Variants in DMD observed in about 807,000 individuals in gnomAD.
DMD encodes dystrophin, also known as mutant dystrophin.
In DMD, 63 loss-of-function variants were observed where a neutral mutation model predicts 330.1. The ratio of observed to expected loss-of-function variants is 0.19; its 90% confidence interval spans 0.16 to 0.24. The LOEUF is 0.24. DMD is among the 10% of genes least tolerant of loss of function. DMD has a pLI of 1.00. For missense variants in DMD, 3,344 were observed against 2,684.1 expected, an observed-to-expected ratio of 1.25 and a Z score of -5.43; for synonymous variants, 1,223 against 959.8, an observed-to-expected ratio of 1.27 and a Z score of -5.07.
intron 55 of DMD, among the ~76,000 whole-genome samples, chrX:31,537,044 G>A (rs111963941): frequency 6.4e-4 from 71 of 111,573 alleles, no homozygotes; most frequent in African/African-American, 2.3e-3. Context: ...AATCATGCCT[G>A]AACGTACTGC....
At chrX:33,195,131 C>G (rs1170531221) in intron 1 of DMD, among the ~76,000 whole-genome samples, 2 of 111,471 alleles carry the variant, frequency 1.8e-5, no homozygotes, top group African/African-American at 6.5e-5. Context: ...CAGATTAAAA[C>G]AGATGAAAGA....
At chrX:33,080,111 T>TA (rs1250527520) in intron 1 of DMD, among the ~76,000 whole-genome samples, 7 of 112,627 alleles carry the variant, frequency 6.2e-5, no homozygotes, top group African/African-American at 2.3e-4. Flanking sequence ...ATAAACTTTT[T>TA]AGAACGCTTT....
rs762778210 is a variant in DMD at position 31,293,163 on chromosome X, G to GGTGTGT, written c.9224+30429_9224+30434dup. ...CTCTCTCTCACCACTCCCCCAACCC[G>GGTGTGT]GTGTGTGTGTGTGTGTGTGTGTGTG... On this transcript the variant is annotated intron_variant, in intron 62 of 78. Coordinates refer to ENST00000357033, the MANE Select transcript of DMD (RefSeq NM_004006.3). Among the ~76,000 whole-genome samples, 131 of 70,549 alleles carry GGTGTGT rather than the reference G, an allele frequency of 1.9e-3. 6 individuals carry two copies. The highest frequency in any genetic ancestry group is 0.01 in the African/African-American group (119 of 11,598). 61.3% of individuals were successfully genotyped at this position (70,549 alleles called of 115,157 possible).
At chrX:32,480,690 G>GTA (rs777362209) in intron 21 of DMD, among the ~76,000 whole-genome samples, 63 of 109,231 alleles carry the variant, frequency 5.8e-4, no homozygotes, top group South Asian at 2.6e-3. Context: ...CACAGCGTGT[G>GTA]TATATATATA....
intron 44 of DMD, among the ~76,000 whole-genome samples, chrX:32,020,674 G>T (rs2095800251): frequency 8.9e-6 from 1 of 112,104 alleles, no homozygotes; most frequent in Non-Finnish European, 1.9e-5. Flanking sequence ...AATCTTAGAC[G>T]TTCAACTTCC....
chrX:32,118,968 T>G (rs1179420024), intron 44 of DMD, among the ~76,000 whole-genome samples: 1 of 110,979 alleles, frequency 9.0e-6, no homozygotes, highest in Non-Finnish European at 1.9e-5. Flanking sequence ...GGAGCTCAAG[T>G]GGTAATGCTG....
intron 62 of DMD, among the ~76,000 whole-genome samples, chrX:31,284,599 CTTCTTCTT>C (rs1217446959): frequency 2.3e-5 from 2 of 85,298 alleles, no homozygotes; most frequent in Non-Finnish European, 4.8e-5. Flanking sequence ...TCTTCTTCTT[CTTCTTCTT>C]TTTTTTGGCA....
rs889499438 is a variant in DMD, at chrX:32,573,641, C to T, written c.1705-4G>A. ...AAAGCCATGCACTAAAAAGGCACTG[C>T]AAGACATTAAAGAATTCCAAGGAAT... On this transcript the variant is annotated splice_polypyrimidine_tract_variant and splice_region_variant and intron_variant, in intron 14 of 78. Transcript: ENST00000357033. The T allele has an allele frequency of 1.7e-6, 2 of 1,204,198 alleles. No homozygotes were observed. Among genetic ancestry groups the T allele is most frequent in the Non-Finnish European group, 2.3e-6 (2 of 888,612 alleles).
chrX:33,154,803 T>G (rs1236440082), intron 1 of DMD, among the ~76,000 whole-genome samples: 1 of 112,095 alleles, frequency 8.9e-6, no homozygotes, highest in Non-Finnish European at 1.9e-5. Context: ...GGCAAGCCCA[T>G]TTTACAATCC....
intron 7 of DMD, among the ~76,000 whole-genome samples, chrX:32,712,328 G>A (rs2065263467): frequency 9.0e-6 from 1 of 111,374 alleles, no homozygotes; most frequent in Admixed American, 9.7e-5. Flanking sequence ...AAATACTGGA[G>A]CTACTGTGTA....
chrX:31,403,383 G>A (rs1463151758), intron 60 of DMD, among the ~76,000 whole-genome samples: 2 of 111,706 alleles, frequency 1.8e-5, no homozygotes, highest in Non-Finnish European at 3.8e-5. Flanking sequence ...GACACATCTA[G>A]ATCATCTATG....
rs138562428 is a variant in DMD at position 32,902,079 on chromosome X, C to T, written c.94-52259G>A. On this transcript the variant is annotated intron_variant, in intron 2 of 78. Transcript: ENST00000357033. ...TTATAGGGTAATAATACATATCATA[C>T]GAATGTTAAGAGTGCAATAGCAAAA... Among the ~76,000 whole-genome samples the T allele has an allele frequency of 3.7e-3, 392 of 107,003 alleles. 14 individuals carry two copies. Among genetic ancestry groups the T allele is most frequent in the African/African-American group, 0.013 (377 of 28,794 alleles). 92.9% of individuals were successfully genotyped at this position (107,003 alleles called of 115,157 possible). A position where few individuals can be genotyped will look rare whatever the true frequency, so the allele number is the denominator to read the frequency against.
intron 9 of DMD, among the ~76,000 whole-genome samples, chrX:32,670,643 C>T (rs916608403): frequency 8.0e-5 from 9 of 111,825 alleles, no homozygotes; most frequent in African/African-American, 2.3e-4. Context: ...GTATATGTGA[C>T]GATTTTTGCA....
At chrX:31,363,679 A>C (rs1344115370) in intron 60 of DMD, among the ~76,000 whole-genome samples, 1 of 112,061 alleles carries the variant, frequency 8.9e-6, no homozygotes, top group African/African-American at 3.2e-5. Context: ...TGCCCGGCCA[A>C]GACATGTATC....
chrX:33,134,768 A>G (rs769150304), intron 1 of DMD, among the ~76,000 whole-genome samples: 6 of 111,872 alleles, frequency 5.4e-5, no homozygotes, highest in Non-Finnish European at 9.4e-5. Context: ...AAAAACTTCA[A>G]TACTTCCAAG....
intron 43 of DMD, among the ~76,000 whole-genome samples, chrX:32,273,512 T>C (rs2097373413): frequency 9.6e-6 from 1 of 103,887 alleles, no homozygotes; most frequent in Non-Finnish European, 1.9e-5. Flanking sequence ...TTTTTTTTTT[T>C]CATGACTGAA....
chrX:31,516,227 T>C (rs188374439), intron 55 of DMD, among the ~76,000 whole-genome samples: 2 of 107,586 alleles, frequency 1.9e-5, no homozygotes, highest in East Asian at 5.8e-4. Flanking sequence ...TCATTTTTAT[T>C]GCATGTTACA....
intron 1 of DMD, among the ~76,000 whole-genome samples, chrX:33,244,659 C>T (rs1360563956): frequency 9.0e-6 from 1 of 111,259 alleles, no homozygotes; most frequent in African/African-American, 3.3e-5. Context: ...TAGGCAAGGT[C>T]TCAGATTTAC....
chrX:33,010,279 CAT>C (rs758712669), intron 2 of DMD, among the ~76,000 whole-genome samples: 57 of 104,130 alleles, frequency 5.5e-4, no homozygotes, highest in Admixed American at 1.9e-3. Flanking sequence ...TGTATATGTA[CAT>C]ATATGTGTGT....
Sources: allele counts gnomAD v4.1 joint callset (sites outside exome capture counted in the v4.1 genomes callset), GRCh38; gene constraint gnomAD v4.1.1; transcripts MANE v1.5; gene names NCBI Gene and HGNC (gene_info 2026-07-23, HGNC 2026-07-21).